The following ARAP2 variants were observed in gnomAD, a reference collection of about 807,000 sequenced individuals.
ARAP2 encodes the protein arf-GAP with Rho-GAP domain, ANK repeat and PH domain-containing protein 2.
In ARAP2, 148 loss-of-function variants were observed where a neutral mutation model predicts 194.5. That is an observed-to-expected ratio of 0.76 (90% CI 0.67 to 0.87). The LOEUF (loss-of-function observed/expected upper bound fraction) is 0.87, where lower values mean the gene tolerates loss of function less well. Among genes scored for constraint, ARAP2 ranks in the 40% least tolerant of loss-of-function variants. ARAP2 has a pLI of 0.00. For synonymous variants in ARAP2, 695 were observed against 683.5 expected (o/e 1.02, Z -0.26); for missense variants, 2,128 against 1,989.7 (o/e 1.07, Z -1.32).
chr4:36,243,818 C>A (rs1274833046), intron 1 of ARAP2: 1 of 152,214 alleles, frequency 6.6e-6, no homozygotes, highest in African/African-American at 2.4e-5. Flanking sequence ...AGCACAGACA[C>A]CCGGGCAAAT....
rs968396510 is a variant in ARAP2, at chr4:36,182,947, G to T, written c.1678+4504C>A. Among the ~76,000 whole-genome samples, 6 of 152,142 alleles carry T rather than the reference G, an allele frequency of 3.9e-5. No homozygotes were observed. In the East Asian group the frequency reaches 1.2e-3, roughly 29 times the overall value. ...TATATGACTGTGGAGTACAGGAAGA[G>T]GTCAGGATGGAGATACACATTTGAC... is the stretch of plus-strand genomic sequence containing the variant. On this transcript the variant is annotated intron_variant, in intron 8 of 32. Transcript: ENST00000303965.
intron 10 of ARAP2, 136 bp downstream of exon 10, chr4:36,166,796 A>C (rs770312040): frequency 1.2e-5 from 5 of 432,944 alleles, no homozygotes; most frequent in Non-Finnish European, 2.0e-5. Context: ...AGTGGCTAAC[A>C]AATTAGACAA....
intron 6 of ARAP2, chr4:36,209,515 A>G (rs1163424866): frequency 2.9e-6 from 1 of 344,386 alleles, no homozygotes; most frequent in Non-Finnish European, 5.7e-6. Flanking sequence ...TGCTTCTACT[A>G]GTCATCTGAT....
At chr4:36,092,156 G>A (rs1267773912) in intron 27 of ARAP2, 136 bp from the exon 28 acceptor site, 21 of 981,754 alleles carry the variant, frequency 2.1e-5, no homozygotes, top group Admixed American at 1.5e-4. Flanking sequence ...GTGAACTTCC[G>A]GGAATACCAT....
chr4:36,171,881 T>C (rs1418421856), intron 9 of ARAP2, among the ~76,000 whole-genome samples: 1 of 152,180 alleles, frequency 6.6e-6, no homozygotes, highest in African/African-American at 2.4e-5. Flanking sequence ...GCAATGTGAA[T>C]GGTAAATGTT....
chr4:36,237,783 T>C (rs1425320846), intron 1 of ARAP2, among the ~76,000 whole-genome samples: 1 of 152,194 alleles, frequency 6.6e-6, no homozygotes, highest in Non-Finnish European at 1.5e-5. Context: ...ATACACCATC[T>C]TTGCTTTGGT....
chr4:36,221,332 A>ATGTG (rs1749124505), intron 2 of ARAP2, among the ~76,000 whole-genome samples: 1 of 152,122 alleles, frequency 6.6e-6, no homozygotes, highest in African/African-American at 2.4e-5. Context: ...ACACACACAC[A>ATGTG]TATAGCATAC....
chr4:36,079,333 C>T (rs1728981892), intron 31 of ARAP2, among the ~76,000 whole-genome samples: 1 of 151,970 alleles, frequency 6.6e-6, no homozygotes, highest in African/African-American at 2.4e-5. Context: ...TGTTTATTAA[C>T]CACTGAAAAA....
intron 4 of ARAP2, among the ~76,000 whole-genome samples, chr4:36,212,929 GGCAAA>G (rs1237891387): frequency 2.0e-5 from 3 of 151,952 alleles, no homozygotes; most frequent in Admixed American, 1.3e-4. Context: ...TTGGCTACAA[GGCAAA>G]GCAAAAATCT....
At chr4:36,205,903 A>G (rs1745438497) in intron 6 of ARAP2, among the ~76,000 whole-genome samples, 1 of 152,238 alleles carries the variant, frequency 6.6e-6, no homozygotes, top group Non-Finnish European at 1.5e-5. Context: ...CCTTGGCACA[A>G]TGTTTACAAG....
chr4:36,201,462 A>G (rs903816058), intron 6 of ARAP2, among the ~76,000 whole-genome samples: 1 of 152,212 alleles, frequency 6.6e-6, no homozygotes, highest in Non-Finnish European at 1.5e-5. Flanking sequence ...GAAACACATT[A>G]GCCTGAGTTT....
chr4:36,165,064 G>A lies in ARAP2; in HGVS notation c.2023C>T (p.Gln675Ter). ...KEKQDWIEAVQQSIAETLSDY... is the reference protein window; with the variant it reads ...KEKQDWIEAV ...GAGAGAGTTTCTGCTATTGATTGCT[G>A]CACAGCTTCAATCCAGTCTTGTTTC... The change falls in exon 11 of 33, where the codon CAG (glutamine) becomes TAG (stop). Residue 675 changes from glutamine (Q) to a stop codon, truncating the protein, a stop_gained. Transcript: ENST00000303965. LOFTEE classifies it high-confidence loss of function. 1 of 1,614,056 alleles carries A rather than the reference G, an allele frequency of 6.2e-7. No homozygotes were observed. Among genetic ancestry groups the A allele is most frequent in the Non-Finnish European group, 8.5e-7 (1 of 1,179,936 alleles).
At chr4:36,083,255 G>T in intron 29 of ARAP2, 113 bp downstream of exon 29, 1 of 777,604 alleles carries the variant, frequency 1.3e-6, no homozygotes, top group Non-Finnish European at 2.1e-6. Context: ...AAAAAAAATA[G>T]CCTAAAACTT....
At chr4:36,144,416 T>C (rs974458737) in intron 19 of ARAP2, among the ~76,000 whole-genome samples, 2 of 151,882 alleles carry the variant, frequency 1.3e-5, no homozygotes, top group African/African-American at 4.8e-5. Flanking sequence ...TATCTATACC[T>C]AATAATTCCT....
chr4:36,103,904 A>G (rs1309303328), intron 27 of ARAP2, among the ~76,000 whole-genome samples: 3 of 151,952 alleles, frequency 2.0e-5, no homozygotes, highest in Non-Finnish European at 4.4e-5. Context: ...AATTTTTTAT[A>G]TAACATTCTC....
At chr4:36,146,371 CCAT>C (rs1729621987) in intron 19 of ARAP2, among the ~76,000 whole-genome samples, 1 of 151,984 alleles carries the variant, frequency 6.6e-6, no homozygotes, top group Non-Finnish European at 1.5e-5. Flanking sequence ...GAGCAGCTTC[CCAT>C]CATATTTTGA....
chr4:36,099,716 T>C (rs1716334972), intron 27 of ARAP2, among the ~76,000 whole-genome samples: 1 of 152,138 alleles, frequency 6.6e-6, no homozygotes, highest in Non-Finnish European at 1.5e-5. Context: ...CTGCCTGGGC[T>C]TGAATGACAA....
intron 28 of ARAP2, 32 bp from the exon 29 acceptor site, chr4:36,083,482 T>C: frequency 7.0e-7 from 1 of 1,419,730 alleles, no homozygotes; most frequent in African/African-American, 1.4e-5. Context: ...TGTAATTAAA[T>C]GGATTTACAC....
At chr4:36,133,022 C>G (rs983030883) in intron 20 of ARAP2, among the ~76,000 whole-genome samples, 5 of 151,560 alleles carry the variant, frequency 3.3e-5, no homozygotes, top group African/African-American at 1.2e-4. Flanking sequence ...AAGGAAGGAG[C>G]AAATGGTAAA....
Sources: gnomAD v4.1 joint callset for allele counts (sites outside exome capture counted in the v4.1 genomes callset) on GRCh38, gnomAD v4.1.1 for gene constraint, MANE v1.5 for transcripts, NCBI Gene and HGNC (gene_info 2026-07-23, HGNC 2026-07-21) for gene names.